Variants in SULF1 observed in about 807,000 individuals in gnomAD.
SULF1 encodes sulfatase 1, also known as extracellular sulfatase Sulf-1.
A neutral mutation model predicts 110.5 loss-of-function variants in SULF1; 46 were observed. That is an observed-to-expected ratio of 0.42 (90% CI 0.33 to 0.53). The LOEUF is 0.53. Ranked by LOEUF, SULF1 falls within the 20% of genes least tolerant of loss-of-function variation. The pLI, the probability that SULF1 is intolerant of heterozygous loss-of-function variation, is 0.12. For missense variants in SULF1, 941 were observed against 1,094.2 expected, an observed-to-expected ratio of 0.86 and a Z score of 1.98; for synonymous variants, 371 against 387.1, an observed-to-expected ratio of 0.96 and a Z score of 0.49.
chr8:69,471,532 C>G (rs964654435), intron 1 of SULF1, among the ~76,000 whole-genome samples: 1 of 152,160 alleles, frequency 6.6e-6, no homozygotes, highest in African/African-American at 2.4e-5. Flanking sequence ...TGAAGTTCAG[C>G]TTTAACTGTA....
chr8:69,598,524 T>C (rs1807529315), intron 8 of SULF1, among the ~76,000 whole-genome samples: 1 of 152,140 alleles, frequency 6.6e-6, no homozygotes, highest in African/African-American at 2.4e-5. Context: ...CCTGAGTAGC[T>C]GGGATTACAG....
At position 69,586,478 on chromosome 8, in the gene SULF1, C is replaced by G; in HGVS notation, c.534C>G (p.Ile178Met). The change falls in exon 7 of 23, where the codon ATC becomes ATG. Residue 178 changes from isoleucine to methionine, a missense_variant. Coordinates refer to ENST00000402687, the MANE Select transcript of SULF1 (RefSeq NM_001128205.2). The stretch of plus-strand genomic sequence containing the variant: ...ATTACACTGTTTGTCGCAATGGCAT[C>G]AAAGAAAAGCATGGATTTGATTATG... ...FYNYTVCRNG[I>M]KEKHGFDYAK... is the part of the protein sequence containing the mutation. 2 of 1,610,946 alleles carry G rather than the reference C, an allele frequency of 1.2e-6. No homozygotes were observed. The highest frequency in any genetic ancestry group is 1.7e-6 in the Non-Finnish European group (2 of 1,179,412).
chr8:69,607,016 G>C (rs770837240), intron 13 of SULF1, among the ~76,000 whole-genome samples: 6 of 152,222 alleles, frequency 3.9e-5, no homozygotes, highest in Non-Finnish European at 8.8e-5. Flanking sequence ...ATTTCAGATT[G>C]TCTCTAGCTT....
In SULF1 at chr8:69,576,090, A is replaced by C; in HGVS notation, c.293A>C (p.Lys98Thr). The change falls in exon 6 of 23, where the codon AAG becomes ACG. Residue 98 changes from lysine to threonine, a missense_variant. Transcript: ENST00000402687. ...TCACGGTCCTCCATGCTCACCGGGAAGTATGTGCACAATCACAATGTCTAC... is the reference window on the plus strand; with the variant it reads ...TCACGGTCCTCCATGCTCACCGGGACGTATGTGCACAATCACAATGTCTAC... ...CPSRSSMLTG[K>T]YVHNHNVYTN... 6.2e-7 allele frequency: 1 copy of C among 1,614,216 alleles called. No homozygotes were observed. Among genetic ancestry groups the C allele is most frequent in the Non-Finnish European group, 8.5e-7 (1 of 1,180,032 alleles).
chr8:69,532,443 A>G (rs1489091523), intron 3 of SULF1, among the ~76,000 whole-genome samples: 1 of 152,150 alleles, frequency 6.6e-6, no homozygotes, highest in Admixed American at 6.5e-5. Flanking sequence ...TGTGAGAAAC[A>G]GGTCACTAAC....
intron 1 of SULF1, among the ~76,000 whole-genome samples, chr8:69,475,662 G>A (rs1809273282): frequency 6.6e-6 from 1 of 152,084 alleles, no homozygotes; most frequent in African/African-American, 2.4e-5. Flanking sequence ...TGGTCATTAT[G>A]GAACAAATGT....
At chr8:69,509,506 A>G (rs997061800) in intron 3 of SULF1, among the ~76,000 whole-genome samples, 1 of 152,262 alleles carries the variant, frequency 6.6e-6, no homozygotes, top group South Asian at 2.1e-4. Context: ...GTTGGAATTC[A>G]GCTGAGGGTT....
intron 19 of SULF1, among the ~76,000 whole-genome samples, chr8:69,636,764 G>GT (rs1364296347): frequency 3.3e-5 from 5 of 152,184 alleles, no homozygotes; most frequent in African/African-American, 9.7e-5. Context: ...GTCAGGCACT[G>GT]TCGTGGAGAA....
intron 8 of SULF1, among the ~76,000 whole-genome samples, chr8:69,596,093 G>C (rs998424079): frequency 6.6e-6 from 1 of 152,208 alleles, no homozygotes; most frequent in South Asian, 2.1e-4. Flanking sequence ...AGCGCACTGA[G>C]CAATAAATCC....
chr8:69,621,250 A>C lies in SULF1; in HGVS notation c.1593A>C (p.Pro531=), dbSNP rs933990349. ...AATTCTTGAGAAACCAGGGGACTCC[A>C]AGTAAGCCACGCTTTTGTGACCATC... The part of the protein sequence containing the change: ...QRQFLRNQGT[P]KYKPRFVHTR... The change falls in exon 14 of 23, where the codon CCA becomes CCC. Residue 531 remains proline, a splice_region_variant and synonymous_variant. Coordinates refer to ENST00000402687, the MANE Select transcript of SULF1 (RefSeq NM_001128205.2). The C allele has an allele frequency of 6.2e-7, 1 of 1,610,970 alleles. No individual in the cohort carries two copies. Among genetic ancestry groups the C allele is most frequent in the South Asian group, 1.1e-5 (1 of 90,844 alleles).
In SULF1 at chr8:69,621,318, G is replaced by T. The variant is rs1020069990; in HGVS notation, c.1594+67G>T. 25 of 1,187,128 alleles carry T rather than the reference G, an allele frequency of 2.1e-5. No homozygotes were observed. In the African/African-American group the frequency reaches 3.5e-4, roughly 17 times the overall value. 73.5% of individuals were successfully genotyped at this position (1,187,128 alleles called of 1,614,324 possible). On this transcript the variant is annotated intron_variant, in intron 14 of 22. Coordinates refer to ENST00000402687, the MANE Select transcript of SULF1 (RefSeq NM_001128205.2). ...CTGTGGGAATAAACAATAGAGAGACGAAAGGGTTGCTCCTTCTACATTTTA... is the reference window on the plus strand; with the variant it reads ...CTGTGGGAATAAACAATAGAGAGACTAAAGGGTTGCTCCTTCTACATTTTA...
intron 5 of SULF1, among the ~76,000 whole-genome samples, chr8:69,574,848 C>CTT (rs1317903906): frequency 6.6e-6 from 1 of 152,232 alleles, no homozygotes; most frequent in Non-Finnish European, 1.5e-5. Flanking sequence ...AACCCTCCTC[C>CTT]TGTTCTCATA....
rs779205970 is a variant in SULF1 at position 69,586,502 on chromosome 8, T to C, written c.558T>C (p.Tyr186=). ...NGIKEKHGFD[Y]AKDYFTDLIT... ...TCAAAGAAAAGCATGGATTTGATTATGCAAAGGTAATTTTCAGGCACTTTT... is the reference window on the plus strand; with the variant it reads ...TCAAAGAAAAGCATGGATTTGATTACGCAAAGGTAATTTTCAGGCACTTTT... The change falls in exon 7 of 23, where the codon TAT becomes TAC. Residue 186 remains tyrosine (Y), a synonymous_variant. Transcript: ENST00000402687. 6 of 1,609,346 alleles carry C rather than the reference T, an allele frequency of 3.7e-6. No individual in the cohort carries two copies. In the Admixed American group the frequency reaches 5.1e-5, roughly 14 times the overall value.
chr8:69,624,529 G>A (rs369930083), intron 15 of SULF1, among the ~76,000 whole-genome samples: 1 of 152,240 alleles, frequency 6.6e-6, no homozygotes, highest in Non-Finnish European at 1.5e-5. Context: ...AGCCTAAGCA[G>A]TTACCTTCGC....
chr8:69,604,761 A>T, intron 12 of SULF1, 42 bp from the exon 13 acceptor site: 1 of 1,610,510 alleles, frequency 6.2e-7, no homozygotes, highest in Non-Finnish European at 8.5e-7. Flanking sequence ...ACCGTAATTC[A>T]GATCACTTCT....
chr8:69,533,967 T>C (rs979316418), intron 3 of SULF1, among the ~76,000 whole-genome samples: 1 of 152,228 alleles, frequency 6.6e-6, no homozygotes, highest in Admixed American at 6.5e-5. Flanking sequence ...TGTTCAGTGC[T>C]AAAGTCAACT....
rs538986566 is a variant in SULF1 at position 69,595,868 on chromosome 8, A to G, written c.735-4735A>G. ...TCCCCAGGTATAGATTTAATATACA[A>G]CACATGCATCTCTTGAAACTCTTTC... On this transcript the variant is annotated intron_variant, in intron 8 of 22. Transcript: ENST00000402687. 4.6e-5 allele frequency among the ~76,000 whole-genome samples: 7 copies of G among 152,358 alleles called. No homozygotes were observed. The South Asian group carries it at 1.4e-3, about 32-fold the overall frequency.
intron 22 of SULF1, among the ~76,000 whole-genome samples, chr8:69,652,843 C>G (rs79929069): frequency 0.017 from 2,564 of 152,274 alleles, 44 homozygotes; most frequent in Middle Eastern, 0.061. Context: ...CTTTTTCTGT[C>G]CATACATCTT....
chr8:69,645,080 G>A (rs1490930590), intron 22 of SULF1, among the ~76,000 whole-genome samples: 1 of 152,164 alleles, frequency 6.6e-6, no homozygotes, highest in African/African-American at 2.4e-5. Flanking sequence ...AGTCGTTAGG[G>A]TATATGTAGG....
Sources: allele counts gnomAD v4.1 joint callset (sites outside exome capture counted in the v4.1 genomes callset), GRCh38; gene constraint gnomAD v4.1.1; transcripts MANE v1.5; gene names NCBI Gene and HGNC (gene_info 2026-07-23, HGNC 2026-07-21).